The following PAN3 variants were observed in gnomAD, a reference collection of about 807,000 sequenced individuals.
PAN3 encodes the protein PAN2-PAN3 deadenylation complex subunit PAN3.
A neutral mutation model predicts 96.2 loss-of-function variants in PAN3; 19 were observed. That is an observed-to-expected ratio of 0.20 (90% CI 0.14 to 0.29). The LOEUF (loss-of-function observed/expected upper bound fraction) is 0.29, where lower values mean the gene tolerates loss of function less well. Ranked by LOEUF, PAN3 falls within the 10% of genes least tolerant of loss-of-function variation. The pLI, the probability that PAN3 is intolerant of heterozygous loss-of-function variation, is 1.00. For synonymous variants in PAN3, 433 were observed against 406.6 expected (o/e 1.06, Z -0.78); for missense variants, 882 against 1,108.1 (o/e 0.80, Z 2.90).
At chr13:28,225,279 T>TA (rs1374057474) in intron 6 of PAN3, among the ~76,000 whole-genome samples, 1 of 152,200 alleles carries the variant, frequency 6.6e-6, no homozygotes, top group East Asian at 1.9e-4. Context: ...ATATCAAAAC[T>TA]TTTTATGAAC....
Position 28,173,256 on chromosome 13 carries a change from G to A in PAN3, c.431-1016G>A, listed in dbSNP as rs546956546. On this transcript the variant is annotated intron_variant, in intron 1 of 18. Transcript: ENST00000380958. ...CCTCTCTGGGCCTGATATTAAAAGG[G>A]TTTGCATTCTTCGGATAATAAATAG... Among the ~76,000 whole-genome samples, 6 of 152,206 alleles carry A rather than the reference G, an allele frequency of 3.9e-5. No individual in the cohort carries two copies. In the South Asian group the frequency reaches 1.2e-3, roughly 32 times the overall value.
chr13:28,211,711 A>G (rs888592125), intron 5 of PAN3, among the ~76,000 whole-genome samples: 1 of 152,216 alleles, frequency 6.6e-6, no homozygotes, highest in African/African-American at 2.4e-5. Flanking sequence ...AAGGTGAAAG[A>G]ACAGAGATTA....
intron 1 of PAN3, among the ~76,000 whole-genome samples, chr13:28,150,103 A>T (rs1346590789): frequency 6.6e-6 from 1 of 152,120 alleles, no homozygotes; most frequent in African/African-American, 2.4e-5. Flanking sequence ...TGATTGAGAG[A>T]TGAGATCACG....
chr13:28,248,695 G>T (rs752234862), intron 6 of PAN3, among the ~76,000 whole-genome samples: 1 of 151,916 alleles, frequency 6.6e-6, no homozygotes, highest in Non-Finnish European at 1.5e-5. Flanking sequence ...CTAATTTTTT[G>T]AATTTTTAGT....
At chr13:28,229,700 TTTTTTG>T (rs1314162005) in intron 6 of PAN3, among the ~76,000 whole-genome samples, 1 of 152,220 alleles carries the variant, frequency 6.6e-6, no homozygotes, top group African/African-American at 2.4e-5. Flanking sequence ...TTTGATCATT[TTTTTTG>T]TTTTTATTGG....
chr13:28,166,445 G>A (rs760339244), intron 1 of PAN3, among the ~76,000 whole-genome samples: 3 of 152,140 alleles, frequency 2.0e-5, no homozygotes, highest in East Asian at 1.9e-4. Context: ...AGGGAACCAC[G>A]CCCTTATGGC....
chr13:28,209,832 G>A (rs1228355305), intron 5 of PAN3, among the ~76,000 whole-genome samples: 1 of 151,798 alleles, frequency 6.6e-6, no homozygotes, highest in African/African-American at 2.4e-5. Flanking sequence ...CCACTCTGGA[G>A]TGCGGTGGCA....
chr13:28,193,736 T>A (rs1339788913), intron 4 of PAN3, among the ~76,000 whole-genome samples: 22 of 108,136 alleles, frequency 2.0e-4, no homozygotes, highest in African/African-American at 2.4e-4. Flanking sequence ...GACCCTGACT[T>A]AAAAAAAAAA....
intron 1 of PAN3, among the ~76,000 whole-genome samples, chr13:28,150,469 C>CA (rs1172358508): frequency 1.3e-5 from 2 of 151,610 alleles, no homozygotes; most frequent in African/African-American, 4.8e-5. Flanking sequence ...ACTAAAAATA[C>CA]AAAAAATTAG....
chr13:28,282,884 A>G (rs1024300911), intron 17 of PAN3, among the ~76,000 whole-genome samples: 13 of 151,328 alleles, frequency 8.6e-5, no homozygotes, highest in East Asian at 1.9e-4. Context: ...TGGTTTGTTT[A>G]TTTATTTATT....
At chr13:28,200,670 A>G (rs1878586619) in intron 5 of PAN3, among the ~76,000 whole-genome samples, 1 of 152,232 alleles carries the variant, frequency 6.6e-6, no homozygotes, top group African/African-American at 2.4e-5. Flanking sequence ...TTTGAAAAAT[A>G]CATATGTGGA....
chr13:28,211,424 C>T (rs545494153), intron 5 of PAN3, among the ~76,000 whole-genome samples: 1 of 152,220 alleles, frequency 6.6e-6, no homozygotes, highest in African/African-American at 2.4e-5. Flanking sequence ...AAGATGTGGG[C>T]ATTATCAAAA....
intron 5 of PAN3, among the ~76,000 whole-genome samples, chr13:28,208,532 T>G (rs1232340996): frequency 6.6e-6 from 1 of 152,136 alleles, no homozygotes; most frequent in Non-Finnish European, 1.5e-5. Flanking sequence ...TTTCAGATTT[T>G]TTTTTTGGGG....
chr13:28,144,135 C>G lies in PAN3; in HGVS notation c.430+5048C>G, dbSNP rs553305721. On this transcript the variant is annotated intron_variant, in intron 1 of 18. Transcript: ENST00000380958. ...ACAACAGCAACAAAAAAACATAATT[C>G]AGCCCTAATGGAGTTTACATTCTAG... 2.6e-5 allele frequency among the ~76,000 whole-genome samples: 4 copies of G among 151,608 alleles called. No homozygotes were observed. In the East Asian group the frequency reaches 7.7e-4, roughly 29 times the overall value.
At chr13:28,194,816 T>C (rs1877816389) in intron 4 of PAN3, among the ~76,000 whole-genome samples, 1 of 152,162 alleles carries the variant, frequency 6.6e-6, no homozygotes, top group East Asian at 1.9e-4. Context: ...GTTATATTAC[T>C]GTATGTCAGA....
At chr13:28,203,812 T>C (rs7999499) in intron 5 of PAN3, among the ~76,000 whole-genome samples, 20,839 of 150,896 alleles carry the variant, frequency 0.14, 1,682 homozygotes, top group East Asian at 0.32. Context: ...CTTTTCTTTT[T>C]TTTTTTTTTT....
Position 28,220,293 on chromosome 13 carries a change from C to T in PAN3, c.915C>T (p.Asn305=), listed in dbSNP as rs766122141. Residue 305 remains asparagine (N), a synonymous_variant, in exon 6 of 19, where the codon AAC becomes AAT. Coordinates refer to ENST00000380958, the MANE Select transcript of PAN3 (RefSeq NM_175854.8). ...GAGGATCAACCTCCAGGCTGAGTAACGTGTCCCAGTCAAATATGTCTGCCT... is the reference window on the plus strand; with the variant it reads ...GAGGATCAACCTCCAGGCTGAGTAATGTGTCCCAGTCAAATATGTCTGCCT... ...PKGGSTSRLS[N]VSQSNMSAFS... 59 of 1,613,686 alleles carry T rather than the reference C, an allele frequency of 3.7e-5. No homozygotes were observed. The highest frequency in any genetic ancestry group is 1.6e-4 in the Middle Eastern group (1 of 6,084).
intron 4 of PAN3, among the ~76,000 whole-genome samples, chr13:28,191,663 A>G (rs916570865): frequency 6.6e-6 from 1 of 152,102 alleles, no homozygotes; most frequent in African/African-American, 2.4e-5. Flanking sequence ...TTCTTCCTCC[A>G]CACTGCCACA....
intron 5 of PAN3, among the ~76,000 whole-genome samples, chr13:28,210,664 G>A (rs764484224): frequency 4.6e-4 from 70 of 152,026 alleles, no homozygotes; most frequent in Non-Finnish European, 8.2e-4. Flanking sequence ...TAACCCAGAA[G>A]TTGAGTATAT....
Sources: allele counts gnomAD v4.1 joint callset (sites outside exome capture counted in the v4.1 genomes callset), GRCh38; gene constraint gnomAD v4.1.1; transcripts MANE v1.5; gene names NCBI Gene and HGNC (gene_info 2026-07-23, HGNC 2026-07-21).